Variants in BAIAP2 observed in about 807,000 individuals in gnomAD.
BAIAP2 encodes BAR/IMD domain-containing adapter protein 2.
BAIAP2 carries 18 observed loss-of-function variants against 63.0 expected under a neutral mutation model. The ratio of observed to expected loss-of-function variants is 0.29; its 90% confidence interval spans 0.20 to 0.42. The LOEUF (loss-of-function observed/expected upper bound fraction) is 0.42, where lower values mean the gene tolerates loss of function less well. BAIAP2 is among the 10% of genes least tolerant of loss of function. The pLI, the probability that BAIAP2 is intolerant of heterozygous loss-of-function variation, is 1.00. For missense variants in BAIAP2, 610 were observed against 734.3 expected (o/e 0.83, Z 1.96); for synonymous variants, 386 against 307.6 (o/e 1.25, Z -2.67).
At chr17:81,051,269 A>C (rs2048642013) in intron 1 of BAIAP2, among the ~76,000 whole-genome samples, 1 of 152,156 alleles carries the variant, frequency 6.6e-6, no homozygotes, top group Non-Finnish European at 1.5e-5. Context: ...CCTGCGTAGC[A>C]CATGCCTCTC....
chr17:81,071,287 C>T (rs538099651), intron 3 of BAIAP2, among the ~76,000 whole-genome samples: 2 of 152,108 alleles, frequency 1.3e-5, no homozygotes, highest in African/African-American at 4.8e-5. Context: ...TGGATCTGGT[C>T]CCCTGGCCCC....
rs930294105 is a variant in BAIAP2 at position 81,104,637 on chromosome 17, A to G, written c.1190A>G (p.Lys397Arg). ...GACAACAGCACCCTCCTGAGCTTCAAGGAGGGTGACCTCATTACCCTGCTG... is the reference window on the plus strand; with the variant it reads ...GACAACAGCACCCTCCTGAGCTTCAGGGAGGGTGACCTCATTACCCTGCTG... ...AGDNSTLLSF[K>R]EGDLITLLVP... Residue 397 changes from lysine (K) to arginine (R), a missense_variant, in exon 10 of 14, where the codon AAG (lysine) becomes AGG (arginine). Physicochemically the swap from Lys to Arg is conservative, Grantham distance 26 (BLOSUM62 2). Around this residue, in one of 5 missense-constraint regions of BAIAP2, gnomAD observed 67 missense variants for 132.0 expected, o/e 0.51. Transcript: ENST00000428708. The G allele has an allele frequency of 2.5e-6, 4 of 1,610,936 alleles. No homozygotes were observed. Among genetic ancestry groups the G allele is most frequent in the African/African-American group, 2.7e-5 (2 of 74,848 alleles).
Position 81,109,666 on chromosome 17 carries a change from C to T in BAIAP2, c.1535+1157C>T, listed in dbSNP as rs907036943. The T allele has an allele frequency of 1.7e-5, 17 of 985,170 alleles. No individual in the cohort carries two copies. The African/African-American group carries it at 3.0e-4, about 17-fold the overall frequency. 61.0% of individuals were successfully genotyped at this position (985,170 alleles called of 1,614,324 possible). On this transcript the variant is annotated intron_variant, in intron 13 of 13. Transcript: ENST00000428708. ...GGGCCCGGGCACCTGAGGGCTTCTC[C>T]CTCTGGACACTGCGGGCCAGGTGTA... is the stretch of plus-strand genomic sequence containing the variant.
chr17:81,049,972 CAG>C (rs1177308066), intron 1 of BAIAP2, among the ~76,000 whole-genome samples: 4 of 152,198 alleles, frequency 2.6e-5, no homozygotes, highest in South Asian at 4.1e-4. Context: ...TTCGGAGGCT[CAG>C]AGAGACGCCT....
chr17:81,094,933 C>G (rs1050431490), intron 6 of BAIAP2, among the ~76,000 whole-genome samples: 1 of 152,212 alleles, frequency 6.6e-6, no homozygotes, highest in Non-Finnish European at 1.5e-5. Flanking sequence ...CTGCAGCAGC[C>G]GTGGCGGATG....
intron 1 of BAIAP2, among the ~76,000 whole-genome samples, chr17:81,044,485 G>T (rs557829357): frequency 6.6e-6 from 1 of 152,212 alleles, no homozygotes; most frequent in Non-Finnish European, 1.5e-5. Flanking sequence ...ATTAGGGCCC[G>T]CCCTAGTGAC....
At chr17:81,037,561 C>T (rs1315869982) in intron 1 of BAIAP2, among the ~76,000 whole-genome samples, 1 of 152,264 alleles carries the variant, frequency 6.6e-6, no homozygotes, top group Admixed American at 6.5e-5. Context: ...CCGCTGAGGC[C>T]ACCGGTGTGC....
intron 6 of BAIAP2, among the ~76,000 whole-genome samples, chr17:81,088,799 G>A (rs1253041802): frequency 6.6e-6 from 1 of 152,256 alleles, no homozygotes; most frequent in African/African-American, 2.4e-5. Flanking sequence ...TCCCTGGCAC[G>A]GCCGGTACTG....
At chr17:81,107,176 G>A (rs980055966) in intron 12 of BAIAP2, 14 of 478,840 alleles carry the variant, frequency 2.9e-5, no homozygotes, top group African/African-American at 2.7e-4. Flanking sequence ...CCAGCCACGG[G>A]CAACTCACTG....
Position 81,085,691 on chromosome 17 carries a change from A to G in BAIAP2, c.317A>G (p.Glu106Gly). The G allele has an allele frequency of 6.2e-7, 1 of 1,613,828 alleles. No individual in the cohort carries two copies. The highest frequency in any genetic ancestry group is 8.5e-7 in the Non-Finnish European group (1 of 1,180,000). ...CACAACGAGCTGCTTACGCAGCTGG[A>G]GCAGAAGGTGGAGCTGGACTCCAGG... ...SFHNELLTQL[E>G]QKVELDSRYL... Residue 106 changes from glutamate to glycine, a missense_variant, in exon 5 of 14, where the codon GAG becomes GGG. Transcript: ENST00000428708.
At chr17:81,039,874 G>A (rs2046843473) in intron 1 of BAIAP2, among the ~76,000 whole-genome samples, 2 of 152,142 alleles carry the variant, frequency 1.3e-5, no homozygotes, top group African/African-American at 4.8e-5. Flanking sequence ...TCCTCCTTCC[G>A]AGCTCCAGGA....
chr17:81,044,908 G>A (rs112200682), intron 1 of BAIAP2, among the ~76,000 whole-genome samples: 20 of 152,344 alleles, frequency 1.3e-4, no homozygotes, highest in African/African-American at 4.6e-4. Flanking sequence ...CGGACACCCC[G>A]TGAGGCTGAG....
intron 6 of BAIAP2, among the ~76,000 whole-genome samples, chr17:81,091,268 G>A (rs150827688): frequency 0.012 from 1,781 of 150,068 alleles, 36 homozygotes; most frequent in African/African-American, 0.041. Context: ...ACTGTCCTGG[G>A]GCCTAGGTTG....
chr17:81,048,348 C>T, intron 1 of BAIAP2, among the ~76,000 whole-genome samples: 1 of 103,056 alleles, frequency 9.7e-6, no homozygotes, highest in Non-Finnish European at 1.9e-5. Flanking sequence ...CAGAGCAAGA[C>T]TCTGTCTCAA....
chr17:81,070,353 G>A (rs2052366527), intron 3 of BAIAP2, among the ~76,000 whole-genome samples: 2 of 152,232 alleles, frequency 1.3e-5, no homozygotes, highest in African/African-American at 4.8e-5. Flanking sequence ...CTGAGCGGAC[G>A]TCCAGGCAGC....
rs866175787 is a variant in BAIAP2, at chr17:81,114,754, C to T, written c.1536-1016C>T. On this transcript the variant is annotated intron_variant, in intron 13 of 13. Coordinates refer to ENST00000428708, the MANE Select transcript of BAIAP2 (RefSeq NM_001144888.2). ...GGGCAGCTGGACGGAACCCTGCCTGCCCACCCCAGGGTTTGCTTCCGGCTG... is the reference window on the plus strand; with the variant it reads ...GGGCAGCTGGACGGAACCCTGCCTGTCCACCCCAGGGTTTGCTTCCGGCTG... Among the ~76,000 whole-genome samples the T allele has an allele frequency of 2.6e-5, 4 of 152,178 alleles. 1 individual carries two copies. Among genetic ancestry groups the T allele is most frequent in the Admixed American group, 2.6e-4 (4 of 15,284 alleles).
chr17:81,092,385 C>A (rs1189778150), intron 6 of BAIAP2, among the ~76,000 whole-genome samples: 1 of 152,220 alleles, frequency 6.6e-6, no homozygotes, highest in Non-Finnish European at 1.5e-5. Context: ...GAAACAGGGA[C>A]ACACCACACC....
Position 81,103,841 on chromosome 17 carries a change from C to T in BAIAP2, c.865-66C>T. The T allele has an allele frequency of 3.1e-6, 5 of 1,600,748 alleles. No homozygotes were observed. In the South Asian group the frequency reaches 5.5e-5, roughly 18 times the overall value. On this transcript the variant is annotated intron_variant, in intron 8 of 13. Coordinates refer to ENST00000428708, the MANE Select transcript of BAIAP2 (RefSeq NM_001144888.2). Reference sequence around the variant, plus strand: ...GCCCCTGCTGAGGGGGCGGAGGGTTCTCTTTCCCCCTGGTCTTGCCCGGGG... The same window carrying T: ...GCCCCTGCTGAGGGGGCGGAGGGTTTTCTTTCCCCCTGGTCTTGCCCGGGG...
intron 3 of BAIAP2, among the ~76,000 whole-genome samples, chr17:81,080,024 GC>G (rs2054327013): frequency 6.6e-6 from 1 of 152,176 alleles, no homozygotes; most frequent in Non-Finnish European, 1.5e-5. Context: ...TGGAGCCCTC[GC>G]TACTCCGTCT....
Sources: allele counts gnomAD v4.1 joint callset (sites outside exome capture counted in the v4.1 genomes callset), GRCh38; gene constraint gnomAD v4.1.1; regional missense constraint gnomAD v4.1.1; transcripts MANE v1.5; gene names NCBI Gene and HGNC (gene_info 2026-07-23, HGNC 2026-07-21).